Variants in XKR9 observed in about 807,000 individuals in gnomAD.
The protein encoded by XKR9 is XK-related protein 9.
In XKR9, 32 loss-of-function variants were observed where a neutral mutation model predicts 32.0. The observed-to-expected ratio is 1.00, with a 90% CI of 0.76 to 1.34. The LOEUF (loss-of-function observed/expected upper bound fraction) is 1.34, where lower values mean the gene tolerates loss of function less well. Among genes scored for constraint, XKR9 ranks in the 40% most tolerant of loss-of-function variants. The pLI is 0.00. For missense variants in XKR9, 546 were observed against 429.7 expected (o/e 1.27, Z -2.39); for synonymous variants, 168 against 143.4 (o/e 1.17, Z -1.22).
chr8:70,746,885 C>T (rs1005349893), intron 2 of XKR9, among the ~76,000 whole-genome samples: 2 of 151,992 alleles, frequency 1.3e-5, no homozygotes, highest in African/African-American at 2.4e-5. Context: ...ACATAGTACA[C>T]GATGGGTAAA....
chr8:71,058,424 T>C, the XKR9 span, among the ~76,000 whole-genome samples: 3 of 152,204 alleles, frequency 2.0e-5, no homozygotes, highest in Non-Finnish European at 4.4e-5. Flanking sequence ...TAGAAGATCA[T>C]GGAGATTAAT....
chr8:70,957,327 A>T, the XKR9 span, among the ~76,000 whole-genome samples: 1 of 152,080 alleles, frequency 6.6e-6, no homozygotes, highest in African/African-American at 2.4e-5. Context: ...TTTACTTATC[A>T]CCTACTAGAA....
chr8:70,927,351 G>C, the XKR9 span, among the ~76,000 whole-genome samples: 1 of 152,110 alleles, frequency 6.6e-6, no homozygotes, highest in African/African-American at 2.4e-5. Context: ...GAAATGCAGG[G>C]CAGTGGGTGG....
chr8:70,728,814 T>C (rs1215143810), intron 4 of XKR9, among the ~76,000 whole-genome samples: 2 of 152,228 alleles, frequency 1.3e-5, no homozygotes, highest in African/African-American at 4.8e-5. Flanking sequence ...ATTTTTCACA[T>C]AGGCTTTTTA....
At chr8:70,821,395 C>T in the XKR9 span, among the ~76,000 whole-genome samples, 2,551 of 152,304 alleles carry the variant, frequency 0.017, 57 homozygotes, top group African/African-American at 0.058. Context: ...GTGCACAGTG[C>T]AAGCTGTTGG....
downstream of XKR9, among the ~76,000 whole-genome samples, chr8:70,739,359 G>C (rs537920832): frequency 9.6e-3 from 1,465 of 152,218 alleles, 23 homozygotes; most frequent in African/African-American, 0.033. Context: ...GCCTATGTGT[G>C]TCTCTGCACA....
the XKR9 span, among the ~76,000 whole-genome samples, chr8:70,979,921 C>T: frequency 2.6e-5 from 4 of 152,236 alleles, no homozygotes; most frequent in Non-Finnish European, 4.4e-5. Flanking sequence ...CCACCCAGTT[C>T]GAGCTTCCTG....
the XKR9 span, among the ~76,000 whole-genome samples, chr8:70,935,797 C>T: frequency 1.3e-5 from 2 of 152,036 alleles, no homozygotes; most frequent in Admixed American, 1.3e-4. Context: ...AAGAATAATT[C>T]TGTTTGTTAG....
chr8:70,935,184 C>T, the XKR9 span, among the ~76,000 whole-genome samples: 13 of 106,416 alleles, frequency 1.2e-4, no homozygotes, highest in Admixed American at 1.5e-3. Flanking sequence ...TATGTATATA[C>T]ATATATATAT....
chr8:70,727,155 A>AT (rs1202574001), intron 4 of XKR9, among the ~76,000 whole-genome samples: 1 of 152,200 alleles, frequency 6.6e-6, no homozygotes, highest in African/African-American at 2.4e-5. Context: ...ATGTTAAAAA[A>AT]TTAAGTTTAT....
At chr8:70,809,955 C>A in the XKR9 span, among the ~76,000 whole-genome samples, 2 of 152,094 alleles carry the variant, frequency 1.3e-5, no homozygotes, top group Non-Finnish European at 2.9e-5. Flanking sequence ...CAAAGATACT[C>A]CTCGAGAAGA....
chr8:70,794,735 CT>C (rs1031072427), downstream of XKR9, among the ~76,000 whole-genome samples: 1 of 150,202 alleles, frequency 6.7e-6, no homozygotes, highest in Non-Finnish European at 1.5e-5. Flanking sequence ...GTGTCTACTC[CT>C]TTTTATTTTG....
chr8:70,832,426 T>C, the XKR9 span, among the ~76,000 whole-genome samples: 1 of 152,016 alleles, frequency 6.6e-6, no homozygotes, highest in South Asian at 2.1e-4. Flanking sequence ...TAGAAAAATA[T>C]GAAAGGAGCT....
chr8:70,946,554 T>C, the XKR9 span, among the ~76,000 whole-genome samples: 7 of 152,184 alleles, frequency 4.6e-5, no homozygotes, highest in East Asian at 1.3e-3. Flanking sequence ...TAAGGAAGGT[T>C]GAGTAGCTTG....
chr8:70,895,088 C>A, the XKR9 span, among the ~76,000 whole-genome samples: 1 of 152,166 alleles, frequency 6.6e-6, no homozygotes, highest in African/African-American at 2.4e-5. Flanking sequence ...CCTGTGAGCA[C>A]TGCAGGGGAC....
chr8:70,851,585 G>A, the XKR9 span, among the ~76,000 whole-genome samples: 279 of 151,992 alleles, frequency 1.8e-3, 2 homozygotes, highest in African/African-American at 6.4e-3. Flanking sequence ...CAAAACAGAT[G>A]TATAGACCAA....
the XKR9 span, among the ~76,000 whole-genome samples, chr8:71,023,430 A>G: frequency 6.6e-6 from 1 of 152,136 alleles, no homozygotes; most frequent in Non-Finnish European, 1.5e-5. Flanking sequence ...TTCTTAGTGA[A>G]GGCTGTAGTG....
the XKR9 span, among the ~76,000 whole-genome samples, chr8:70,833,861 A>C: frequency 6.6e-6 from 1 of 152,188 alleles, no homozygotes; most frequent in African/African-American, 2.4e-5. Context: ...AAGCCAATAC[A>C]TGGTCTCATT....
chr8:71,044,226 T>A, the XKR9 span, among the ~76,000 whole-genome samples: 4 of 152,350 alleles, frequency 2.6e-5, no homozygotes, highest in African/African-American at 9.6e-5. Context: ...AGAAAATATG[T>A]TAAATCTCCT....
Sources: gnomAD v4.1 joint callset for allele counts (sites outside exome capture counted in the v4.1 genomes callset) on GRCh38, gnomAD v4.1.1 for gene constraint, MANE v1.5 for transcripts, NCBI Gene and HGNC (gene_info 2026-07-23, HGNC 2026-07-21) for gene names.